The following PIM2 variants were observed in gnomAD, a reference collection of about 807,000 sequenced individuals.
PIM2 encodes Pim-2 proto-oncogene, serine/threonine kinase, also known as serine/threonine-protein kinase pim-2.
PIM2 carries 3 observed loss-of-function variants against 18.0 expected under a neutral mutation model. The observed-to-expected ratio is 0.17, with a 90% CI of 0.08 to 0.43. The LOEUF is 0.43. PIM2 is among the 20% of genes least tolerant of loss of function. PIM2 has a pLI of 0.99. For synonymous variants in PIM2, 117 were observed against 105.3 expected (o/e 1.11, Z -0.68); for missense variants, 181 against 260.8 (o/e 0.69, Z 2.11).
rs782728334 is a variant in PIM2 at position 48,918,980 on chromosome X, G to T, written c.-146C>A. 1.2e-5 allele frequency: 6 copies of T among 480,199 alleles called. No individual in the cohort carries two copies. The highest frequency in any genetic ancestry group is 2.1e-5 in the Non-Finnish European group (6 of 287,114). The allele number at this position is 480,199 out of a possible 1,213,427, so 39.6% of individuals were successfully genotyped here. A position where few individuals can be genotyped will look rare whatever the true frequency, so the allele number is the denominator to read the frequency against. ...TGGTGGCCCGGAAGCGCCCGCAGAC[G>T]GCGCAGCGTTGAGATTCGCCGCGCG... On this transcript the variant is annotated 5_prime_UTR_variant, in exon 1 of 6. Coordinates refer to ENST00000376509, the MANE Select transcript of PIM2 (RefSeq NM_006875.4).
intron 1 of PIM2, 63 bp from the exon 2 acceptor site, chrX:48,918,708 C>T (rs1602353629): frequency 1.8e-6 from 2 of 1,129,860 alleles, no homozygotes; most frequent in Admixed American, 2.3e-5. Flanking sequence ...CGACTCCCTC[C>T]CCCCGCGCTG....
chrX:48,917,535 C>T (rs1557045382), intron 3 of PIM2, among the ~76,000 whole-genome samples: 1 of 113,266 alleles, frequency 8.8e-6, no homozygotes, highest in Non-Finnish European at 1.9e-5. Context: ...CACCAGCACG[C>T]CCTGCGGGCA....
intron 4 of PIM2, 198 bp from the exon 5 acceptor site, chrX:48,914,769 A>G: frequency 2.2e-6 from 1 of 463,997 alleles, no homozygotes; most frequent in Admixed American, 4.4e-5. Flanking sequence ...GGATCCCCTT[A>G]CCAGAGAAAG....
intron 2 of PIM2, among the ~76,000 whole-genome samples, chrX:48,918,266 G>A (rs781817253): frequency 1.4e-4 from 14 of 101,081 alleles, no homozygotes; most frequent in African/African-American, 4.4e-4. Context: ...CTGGACCCCG[G>A]GGTCAAGGAA....
chrX:48,913,868 A>G lies in PIM2; in HGVS notation c.*263T>C, dbSNP rs1414863144. ...CACCAAAATAAACTTCCTTAGCAAA[A>G]TGAGAAGCAAGAAGTTCCCCCTCCA... On this transcript the variant is annotated 3_prime_UTR_variant, in exon 6 of 6. Coordinates refer to ENST00000376509, the MANE Select transcript of PIM2 (RefSeq NM_006875.4). 6.6e-6 allele frequency: 2 copies of G among 303,590 alleles called. No individual in the cohort carries two copies. Among genetic ancestry groups the G allele is most frequent in the African/African-American group, 5.6e-5 (2 of 35,761 alleles). The allele number at this position is 303,590 out of a possible 1,213,427, so 25.0% of individuals were successfully genotyped here.
At chrX:48,917,026 G>A (rs2063564728) in intron 3 of PIM2, among the ~76,000 whole-genome samples, 1 of 109,785 alleles carries the variant, frequency 9.1e-6, no homozygotes, top group Non-Finnish European at 1.9e-5. Flanking sequence ...ATGGTTGTGC[G>A]CTCCTGTAGT....
In PIM2 at chrX:48,915,260, G is replaced by T. The variant is rs1557045114; in HGVS notation, c.355C>A (p.Pro119Thr). Residue 119 changes from proline (P) to threonine (T), a missense_variant, in exon 4 of 6, where the codon CCT becomes ACT. This residue lies in a region of PIM2 where 104 missense variants were observed against 125.3 expected (regional missense o/e 0.83). Transcript: ENST00000376509. ...QEGFMLVLER[P>T]LPAQDLFDYI... ...TCAAAGAGATCCTGGGCGGGCAAAG[G>T]CCGCTCGAGGACCAGCATGAAGCCC... is the stretch of plus-strand genomic sequence containing the variant. 1.7e-6 allele frequency: 2 copies of T among 1,211,911 alleles called. No individual in the cohort carries two copies. The highest frequency in any genetic ancestry group is 1.1e-6 in the Non-Finnish European group (1 of 895,493).
At chrX:48,916,065 T>C (rs1177626480) in intron 3 of PIM2, among the ~76,000 whole-genome samples, 1 of 112,898 alleles carries the variant, frequency 8.9e-6, no homozygotes, top group African/African-American at 3.2e-5. Context: ...CTTAATAGCA[T>C]GGGCTCTGAC....
intron 3 of PIM2, among the ~76,000 whole-genome samples, chrX:48,917,574 G>A (rs782364434): frequency 8.8e-6 from 1 of 113,162 alleles, no homozygotes; most frequent in Non-Finnish European, 1.9e-5. Flanking sequence ...GAGGAAGGAT[G>A]GTAAAGGTTT....
rs2063552759 is a variant in PIM2, at chrX:48,913,423, ACCAT to A, written c.*704_*707del. On this transcript the variant is annotated 3_prime_UTR_variant, in exon 6 of 6. Transcript: ENST00000376509. ...TTTCCCCTAGCCCATCCCCCAAAAA[ACCAT>A]CCATCCCATCCTAGTGTCTGGTGGT... 1 of 108,511 alleles carries A rather than the reference ACCAT, an allele frequency of 9.2e-6. No homozygotes were observed. The highest frequency in any genetic ancestry group is 4.2e-4 in the South Asian group (1 of 2,394). The allele number at this position is 108,511 out of a possible 1,213,427, so 8.9% of individuals were successfully genotyped here. A position where few individuals can be genotyped will look rare whatever the true frequency, so the allele number is the denominator to read the frequency against.
chrX:48,918,602 G>A lies in PIM2; in HGVS notation c.105C>T (p.Gly35=), dbSNP rs782757616. Residue 35 remains glycine (G), a synonymous_variant, in exon 2 of 6, where the codon GGC becomes GGT. Transcript: ENST00000376509. The part of the protein sequence containing the change: ...REAFEAEYRL[G]PLLGKGGFGT... The stretch of plus-strand genomic sequence containing the variant: ...CAAAGCCCCCCTTACCCAGGAGGGG[G>A]CCGAGTCGATACTCGGCCTCGAACG... 8.3e-7 allele frequency: 1 copy of A among 1,206,695 alleles called. No individual in the cohort carries two copies. The highest frequency in any genetic ancestry group is 1.8e-5 in the South Asian group (1 of 56,659).
intron 2 of PIM2, 54 bp downstream of exon 2, chrX:48,918,482 A>G: frequency 1.1e-6 from 1 of 870,831 alleles, no homozygotes; most frequent in Non-Finnish European, 1.6e-6. Context: ...CAGGGCCAGG[A>G]CCCCCGCCCC....
At chrX:48,914,987 C>T in intron 4 of PIM2, 33 bp downstream of exon 4, 2 of 1,161,665 alleles carry the variant, frequency 1.7e-6, no homozygotes, top group Admixed American at 2.5e-5. Flanking sequence ...CAAGTAAAAA[C>T]AATCCCTCCA....
At chrX:48,918,488 G>A (rs782322182) in intron 2 of PIM2, 48 bp downstream of exon 2, 2 of 931,159 alleles carry the variant, frequency 2.1e-6, no homozygotes, top group Admixed American at 2.7e-5. Flanking sequence ...CAGGACCCCC[G>A]CCCCCGCCAC....
At chrX:48,917,407 G>A (rs1267690830) in intron 3 of PIM2, among the ~76,000 whole-genome samples, 1 of 112,459 alleles carries the variant, frequency 8.9e-6, no homozygotes, top group Admixed American at 9.3e-5. Context: ...GCCCGCCAGG[G>A]GGCGCTCCCA....
In PIM2 at chrX:48,913,798, ACAT is replaced by A. The variant is rs2063555425; in HGVS notation, c.*330_*332del. On this transcript the variant is annotated 3_prime_UTR_variant, in exon 6 of 6. Coordinates refer to ENST00000376509, the MANE Select transcript of PIM2 (RefSeq NM_006875.4). ...GTAGGAGGTGCCAATGTGGGGTGAC[ACAT>A]CATCAGAATAAGAGTCCCGGGGCTC... is the stretch of plus-strand genomic sequence containing the variant. 2 of 186,075 alleles carry A rather than the reference ACAT, an allele frequency of 1.1e-5. No homozygotes were observed. Among genetic ancestry groups the A allele is most frequent in the Non-Finnish European group, 1.9e-5 (2 of 103,237 alleles). 15.3% of individuals were successfully genotyped at this position (186,075 alleles called of 1,213,427 possible).
Position 48,914,152 on chromosome X carries a change from C to T in PIM2, c.915G>A (p.Leu305=). 1.7e-6 allele frequency: 2 copies of T among 1,147,564 alleles called. No individual in the cohort carries two copies. Among genetic ancestry groups the T allele is most frequent in the Non-Finnish European group, 2.3e-6 (2 of 865,029 alleles). The allele number at this position is 1,147,564 out of a possible 1,213,427, so 94.6% of individuals were successfully genotyped here. ...AGGCTTAGGGTAGCAAGGACCAGGCCAAAGGGGCAGGGCCTCCTTTGGAGG... is the reference window on the plus strand; with the variant it reads ...AGGCTTAGGGTAGCAAGGACCAGGCTAAAGGGGCAGGGCCTCCTTTGGAGG... The part of the protein sequence containing the change: ...LNPSKGGPAP[L]AWSLLP Residue 305 remains leucine, a synonymous_variant, in exon 6 of 6, where the codon TTG becomes TTA. Coordinates refer to ENST00000376509, the MANE Select transcript of PIM2 (RefSeq NM_006875.4).
intron 2 of PIM2, 87 bp from the exon 3 acceptor site, chrX:48,917,918 T>C: frequency 1.4e-6 from 1 of 705,977 alleles, no homozygotes; most frequent in Non-Finnish European, 2.2e-6. Context: ...CCAGTATTCC[T>C]CCATCTACCA....
Position 48,918,989 on chromosome X carries a change from T to A in PIM2, c.-155A>T. 2 of 460,591 alleles carry A rather than the reference T, an allele frequency of 4.3e-6. No individual in the cohort carries two copies. The highest frequency in any genetic ancestry group is 7.4e-6 in the Non-Finnish European group (2 of 272,029). The allele number at this position is 460,591 out of a possible 1,213,427, so 38.0% of individuals were successfully genotyped here. On this transcript the variant is annotated 5_prime_UTR_variant, in exon 1 of 6. Coordinates refer to ENST00000376509, the MANE Select transcript of PIM2 (RefSeq NM_006875.4). ...GGAAGCGCCCGCAGACGGCGCAGCGTTGAGATTCGCCGCGCGCGCCAGCCC... is the reference window on the plus strand; with the variant it reads ...GGAAGCGCCCGCAGACGGCGCAGCGATGAGATTCGCCGCGCGCGCCAGCCC...
Sources: allele counts gnomAD v4.1 joint callset (sites outside exome capture counted in the v4.1 genomes callset), GRCh38; gene constraint gnomAD v4.1.1; regional missense constraint gnomAD v4.1.1; transcripts MANE v1.5; gene names NCBI Gene and HGNC (gene_info 2026-07-23, HGNC 2026-07-21).